The following MAML3 variants were observed in gnomAD, a reference collection of about 807,000 sequenced individuals.
The protein encoded by MAML3 is mastermind-like protein 3.
In MAML3, 27 loss-of-function variants were observed where a neutral mutation model predicts 101.9. The ratio of observed to expected loss-of-function variants is 0.27; its 90% CI spans 0.20 to 0.37. The LOEUF (loss-of-function observed/expected upper bound fraction) is 0.37. Ranked by LOEUF, MAML3 falls within the 10% of genes least tolerant of loss-of-function variation. The pLI, the probability that MAML3 is intolerant of heterozygous loss-of-function variation, is 1.00. For synonymous variants in MAML3, 501 were observed against 555.9 expected (o/e 0.90, Z 1.39); for missense variants, 1,316 against 1,444.9 (o/e 0.91, Z 1.45).
At chr4:139,757,189 A>G (rs1729672612) in intron 2 of MAML3, among the ~76,000 whole-genome samples, 1 of 152,054 alleles carries the variant, frequency 6.6e-6, no homozygotes, top group Non-Finnish European at 1.5e-5. Context: ...ACAGCACCCT[A>G]CTTGGCATTT....
chr4:139,734,889 G>T lies in MAML3; in HGVS notation c.2080-4222C>A, dbSNP rs115068447. On this transcript the variant is annotated intron_variant, in intron 2 of 4. Transcript: ENST00000509479. ...GTGACGGGGACCCCGTGGATAACGGGCTTGAGGACGCCCAGGGCTTCAGCC... is the reference window on the plus strand; with the variant it reads ...GTGACGGGGACCCCGTGGATAACGGTCTTGAGGACGCCCAGGGCTTCAGCC... 5.9e-3 allele frequency among the ~76,000 whole-genome samples: 903 copies of T among 152,368 alleles called. 8 individuals are homozygous for T. The highest frequency in any genetic ancestry group is 0.019 in the African/African-American group (801 of 41,588).
intron 1 of MAML3, among the ~76,000 whole-genome samples, chr4:140,007,785 C>G (rs1304296589): frequency 1.3e-5 from 2 of 152,178 alleles, no homozygotes; most frequent in African/African-American, 4.8e-5. Context: ...TTCTCCCACA[C>G]CATCCTGAAG....
chr4:139,975,498 T>C (rs1222813559), intron 1 of MAML3, among the ~76,000 whole-genome samples: 1 of 152,200 alleles, frequency 6.6e-6, no homozygotes, highest in Non-Finnish European at 1.5e-5. Context: ...CCTGCTCTAC[T>C]TTTTTCATTA....
chr4:139,721,040 G>A (rs1728211639), intron 4 of MAML3, among the ~76,000 whole-genome samples: 1 of 152,206 alleles, frequency 6.6e-6, no homozygotes, highest in Non-Finnish European at 1.5e-5. Context: ...TTGCAAACTG[G>A]CCAGCTTCCT....
intron 1 of MAML3, among the ~76,000 whole-genome samples, chr4:140,066,700 A>G (rs1727542571): frequency 6.6e-6 from 1 of 152,198 alleles, no homozygotes; most frequent in Non-Finnish European, 1.5e-5. Flanking sequence ...GGGAATATAC[A>G]CAGCACAGGA....
At chr4:139,851,472 A>C (rs1731548971) in intron 2 of MAML3, among the ~76,000 whole-genome samples, 1 of 152,248 alleles carries the variant, frequency 6.6e-6, no homozygotes, top group South Asian at 2.1e-4. Flanking sequence ...AAAGCAAGAG[A>C]AACAGCAACC....
intron 1 of MAML3, among the ~76,000 whole-genome samples, chr4:139,979,015 C>T (rs1734398150): frequency 6.6e-6 from 1 of 152,078 alleles, no homozygotes; most frequent in Non-Finnish European, 1.5e-5. Context: ...AAGGAACAAG[C>T]CTGCTTATGT....
chr4:139,775,548 A>G (rs1049379256), intron 2 of MAML3, among the ~76,000 whole-genome samples: 1 of 152,102 alleles, frequency 6.6e-6, no homozygotes, highest in African/African-American at 2.4e-5. Flanking sequence ...AGGATGAGGA[A>G]CGAAACTGGA....
intron 1 of MAML3, among the ~76,000 whole-genome samples, chr4:140,002,731 C>T (rs12508349): frequency 0.022 from 3,392 of 152,278 alleles, 61 homozygotes; most frequent in Admixed American, 0.057. Flanking sequence ...AATATTCTCA[C>T]ACCACAGAAA....
chr4:140,046,006 A>T (rs1387046694), intron 1 of MAML3, among the ~76,000 whole-genome samples: 2 of 152,258 alleles, frequency 1.3e-5, no homozygotes, highest in Non-Finnish European at 2.9e-5. Context: ...ATGCTTCCAA[A>T]GTCAATATGA....
intron 2 of MAML3, chr4:139,731,435 T>TTAAAA (rs1491282159): frequency 5.2e-5 from 2 of 38,718 alleles, no homozygotes; most frequent in African/African-American, 1.6e-4. Context: ...CTGTCTCTAC[T>TTAAAA]AAAAAAAAAA....
chr4:140,152,916 GT>G lies in MAML3; in HGVS notation c.411del (p.Lys137AsnfsTer18). 1 of 1,612,840 alleles carries G rather than the reference GT, an allele frequency of 6.2e-7. No homozygotes were observed. The highest frequency in any genetic ancestry group is 8.5e-7 in the Non-Finnish European group (1 of 1,179,724). On this transcript the variant is annotated frameshift_variant, in exon 1 of 5. Transcript: ENST00000509479. LOFTEE classifies it high-confidence loss of function. ...AGTGKQQHPS[K>X]PQQDAEAASA... ...GAGGCAGCCTCCGCATCTTGCTGGG[GT>G]TTGCTCGGGTGCTGCTGTTTGCCGG...
chr4:139,877,858 T>C (rs1044413786), intron 2 of MAML3, among the ~76,000 whole-genome samples: 1 of 152,246 alleles, frequency 6.6e-6, no homozygotes, highest in Admixed American at 6.5e-5. Context: ...CATGTATACA[T>C]GTGATCATCT....
rs116127092 is a variant in MAML3, at chr4:139,880,040, G to A, written c.2079+9317C>T. 3.5e-3 allele frequency among the ~76,000 whole-genome samples: 533 copies of A among 152,144 alleles called. 3 individuals carry two copies. Among genetic ancestry groups the A allele is most frequent in the African/African-American group, 0.012 (507 of 41,500 alleles). On this transcript the variant is annotated intron_variant, in intron 2 of 4. Transcript: ENST00000509479. ...TACAAAAAATTGGCTGGGCGTGGCG[G>A]CCTGTGCCTGTAGTCCCAGCTACTC...
At chr4:140,118,211 C>T (rs867924318) in intron 1 of MAML3, among the ~76,000 whole-genome samples, 32 of 150,818 alleles carry the variant, frequency 2.1e-4, no homozygotes, top group Middle Eastern at 6.8e-3. Context: ...AATTAATAGT[C>T]CTGAGTGCAG....
intron 1 of MAML3, among the ~76,000 whole-genome samples, chr4:139,912,433 C>T (rs1440537413): frequency 6.6e-6 from 1 of 152,208 alleles, no homozygotes; most frequent in Non-Finnish European, 1.5e-5. Flanking sequence ...TACAGGAAAA[C>T]AGGTAACATT....
intron 1 of MAML3, among the ~76,000 whole-genome samples, chr4:140,053,350 T>C (rs1484759904): frequency 2.0e-5 from 3 of 152,164 alleles, no homozygotes; most frequent in Non-Finnish European, 4.4e-5. Context: ...CTCGGACCAC[T>C]GCTTTGGAAT....
intron 1 of MAML3, among the ~76,000 whole-genome samples, chr4:139,939,845 A>C (rs1578608182): frequency 6.7e-6 from 1 of 150,264 alleles, no homozygotes; most frequent in Non-Finnish European, 1.5e-5. Context: ...GCTCACTGCA[A>C]CCTCCGCCTC....
At chr4:140,077,624 G>T (rs897612361) in intron 1 of MAML3, among the ~76,000 whole-genome samples, 2 of 152,222 alleles carry the variant, frequency 1.3e-5, no homozygotes, top group Admixed American at 6.5e-5. Flanking sequence ...TGGGGTTTGA[G>T]AGGCAGAATA....
Sources: allele counts gnomAD v4.1 joint callset (sites outside exome capture counted in the v4.1 genomes callset), GRCh38; gene constraint gnomAD v4.1.1; transcripts MANE v1.5; gene names NCBI Gene and HGNC (gene_info 2026-07-23, HGNC 2026-07-21).